Variants in CCDC3 observed in about 807,000 individuals in gnomAD.
The protein encoded by CCDC3 is coiled-coil domain-containing protein 3.
CCDC3 carries 24 observed loss-of-function variants against 21.4 expected under a neutral mutation model. That is an observed-to-expected ratio of 1.12 (90% CI 0.81 to 1.58). CCDC3 has a LOEUF of 1.58. CCDC3 is among the 40% of genes most tolerant of loss of function. The pLI is 0.00. For synonymous variants in CCDC3, 186 were observed against 166.0 expected (o/e 1.12, Z -0.93); for missense variants, 425 against 360.9 (o/e 1.18, Z -1.44).
intron 5 of CCDC3, among the ~76,000 whole-genome samples, chr10:13,042,451 G>A (rs1271095113): frequency 2.0e-5 from 3 of 152,178 alleles, no homozygotes; most frequent in African/African-American, 7.2e-5. Flanking sequence ...TGATGAGGTT[G>A]GTTATCCGGT....
intron 5 of CCDC3, among the ~76,000 whole-genome samples, chr10:13,030,994 C>G (rs1836292876): frequency 6.6e-6 from 1 of 152,150 alleles, no homozygotes; most frequent in Admixed American, 6.5e-5. Flanking sequence ...ACCAAGCAGA[C>G]CTAATAGACA....
chr10:12,945,239 A>C (rs1834897170), intron 2 of CCDC3, among the ~76,000 whole-genome samples: 1 of 152,236 alleles, frequency 6.6e-6, no homozygotes, highest in African/African-American at 2.4e-5. Context: ...TTAGTATATA[A>C]CTAAAATTAC....
chr10:12,978,680 C>T (rs1835453450), intron 2 of CCDC3, among the ~76,000 whole-genome samples: 1 of 152,210 alleles, frequency 6.6e-6, no homozygotes, highest in Middle Eastern at 3.4e-3. Flanking sequence ...AGGGAGCAAA[C>T]CTAGTCTGCA....
chr10:12,972,004 C>T (rs1835350320), intron 2 of CCDC3, among the ~76,000 whole-genome samples: 1 of 152,020 alleles, frequency 6.6e-6, no homozygotes, highest in Admixed American at 6.6e-5. Context: ...TTTGTCTTTA[C>T]CCTCTGCTCT....
chr10:12,977,374 G>C (rs1052829545), intron 2 of CCDC3, among the ~76,000 whole-genome samples: 5 of 152,318 alleles, frequency 3.3e-5, no homozygotes, highest in Admixed American at 3.3e-4. Flanking sequence ...AGAGTAAGCA[G>C]TGCCCTCTAA....
chr10:13,018,888 G>A (rs781182181), intron 5 of CCDC3, among the ~76,000 whole-genome samples: 1 of 151,448 alleles, frequency 6.6e-6, no homozygotes, highest in African/African-American at 2.4e-5. Context: ...AGTGAGCCGA[G>A]ATCATGCCGT....
chr10:12,954,796 A>T (rs2131251571), intron 2 of CCDC3, among the ~76,000 whole-genome samples: 1 of 152,346 alleles, frequency 6.6e-6, no homozygotes, highest in Middle Eastern at 3.4e-3. Context: ...GGGACAAACC[A>T]AACTATGGCA....
chr10:13,029,767 G>A (rs1472510352), intron 5 of CCDC3, among the ~76,000 whole-genome samples: 2 of 152,116 alleles, frequency 1.3e-5, no homozygotes, highest in East Asian at 1.9e-4. Flanking sequence ...TGAATCAAAC[G>A]AAGCGAGAAG....
chr10:12,942,920 G>T (rs992679352), intron 2 of CCDC3, among the ~76,000 whole-genome samples: 1 of 152,098 alleles, frequency 6.6e-6, no homozygotes, highest in South Asian at 2.1e-4. Context: ...GTGAGGCAAA[G>T]AACGTGGGGT....
intron 2 of CCDC3, among the ~76,000 whole-genome samples, chr10:12,946,808 T>A (rs1048048362): frequency 6.6e-6 from 1 of 152,188 alleles, no homozygotes; most frequent in Non-Finnish European, 1.5e-5. Context: ...TCAACATGCA[T>A]TTTCCCTCCT....
At chr10:12,992,947 A>G (rs1835702662) in intron 2 of CCDC3, among the ~76,000 whole-genome samples, 1 of 152,154 alleles carries the variant, frequency 6.6e-6, no homozygotes, top group Admixed American at 6.5e-5. Flanking sequence ...TGATAATTCA[A>G]TACACTATAT....
chr10:12,902,987 G>A (rs1232765384), intron 2 of CCDC3, among the ~76,000 whole-genome samples: 1 of 152,192 alleles, frequency 6.6e-6, no homozygotes, highest in Non-Finnish European at 1.5e-5. Context: ...AAGCGTGGAT[G>A]GGATGAGAGT....
intron 5 of CCDC3, among the ~76,000 whole-genome samples, chr10:13,010,742 G>T (rs1051871143): frequency 2.0e-5 from 3 of 152,058 alleles, no homozygotes; most frequent in Admixed American, 1.3e-4. Flanking sequence ...AAAATAAACC[G>T]TGGCCTGCAA....
upstream of CCDC3, among the ~76,000 whole-genome samples, chr10:13,004,673 A>G (rs1290219047): frequency 1.3e-5 from 2 of 150,408 alleles, no homozygotes; most frequent in Non-Finnish European, 2.9e-5. Context: ...GTTGGCCTCT[A>G]TTGTTGACAT....
At chr10:12,977,241 T>C (rs1343660864) in intron 2 of CCDC3, among the ~76,000 whole-genome samples, 1 of 151,132 alleles carries the variant, frequency 6.6e-6, no homozygotes, top group Non-Finnish European at 1.5e-5. Flanking sequence ...CGCCACTGCA[T>C]TCCATCCTGG....
At chr10:12,972,115 T>A (rs1325240366) in intron 2 of CCDC3, among the ~76,000 whole-genome samples, 3 of 152,166 alleles carry the variant, frequency 2.0e-5, no homozygotes, top group Non-Finnish European at 4.4e-5. Flanking sequence ...TGCAGGACAG[T>A]AACTCACTAT....
chr10:12,994,322 TGGGAG>T (rs1835724469), intron 2 of CCDC3, among the ~76,000 whole-genome samples: 2 of 151,182 alleles, frequency 1.3e-5, no homozygotes, highest in African/African-American at 4.9e-5. Context: ...CACTTGAACC[TGGGAG>T]ACAGAGGCTG....
At chr10:12,932,750 G>T (rs146789012) in intron 2 of CCDC3, among the ~76,000 whole-genome samples, 2 of 152,078 alleles carry the variant, frequency 1.3e-5, no homozygotes, top group African/African-American at 4.8e-5. Context: ...TGATCTTAGC[G>T]GGAAAGCTTT....
intron 2 of CCDC3, among the ~76,000 whole-genome samples, chr10:12,925,822 T>C (rs919591700): frequency 6.6e-5 from 10 of 152,244 alleles, no homozygotes; most frequent in Admixed American, 2.6e-4. Flanking sequence ...ATTCATCCTA[T>C]TGTGATACCC....
Sources: allele counts gnomAD v4.1 joint callset (sites outside exome capture counted in the v4.1 genomes callset), GRCh38; gene constraint gnomAD v4.1.1; transcripts MANE v1.5; gene names NCBI Gene and HGNC (gene_info 2026-07-23, HGNC 2026-07-21).